CADPS2: variants seen among roughly 807,000 people sequenced by gnomAD.
CADPS2 encodes the protein calcium-dependent secretion activator 2.
In CADPS2, 93 loss-of-function variants were observed where a neutral mutation model predicts 172.5. That is an observed-to-expected ratio of 0.54 (90% CI 0.46 to 0.64). The LOEUF (loss-of-function observed/expected upper bound fraction) is 0.64, where lower values mean the gene tolerates loss of function less well. Ranked by LOEUF, CADPS2 falls within the 30% of genes least tolerant of loss-of-function variation. The pLI is 0.00. For synonymous variants in CADPS2, 546 were observed against 555.2 expected, an observed-to-expected ratio of 0.98 and a Z score of 0.23; for missense variants, 1,420 against 1,565.9, an observed-to-expected ratio of 0.91 and a Z score of 1.57.
At chr7:122,781,673 A>G (rs1327472570) in intron 1 of CADPS2, among the ~76,000 whole-genome samples, 1 of 152,140 alleles carries the variant, frequency 6.6e-6, no homozygotes, top group African/African-American at 2.4e-5. Flanking sequence ...CAGTTCTATT[A>G]TATACAAGAA....
At chr7:122,750,082 A>C (rs1244478267) in intron 1 of CADPS2, among the ~76,000 whole-genome samples, 3 of 152,120 alleles carry the variant, frequency 2.0e-5, no homozygotes, top group Non-Finnish European at 4.4e-5. Flanking sequence ...AGAAACAATA[A>C]ACAAACTGAA....
At chr7:122,764,436 T>C (rs1264209080) in intron 1 of CADPS2, among the ~76,000 whole-genome samples, 4 of 152,034 alleles carry the variant, frequency 2.6e-5, no homozygotes, top group Non-Finnish European at 5.9e-5. Context: ...GTTCCTACAA[T>C]GTGCCAAGCG....
intron 11 of CADPS2, among the ~76,000 whole-genome samples, chr7:122,484,216 C>T (rs1270545980): frequency 6.6e-6 from 1 of 152,028 alleles, no homozygotes; most frequent in Non-Finnish European, 1.5e-5. Flanking sequence ...AGCCAAAATA[C>T]TTTTGAATAA....
chr7:122,484,303 T>C (rs2057586749), intron 11 of CADPS2, among the ~76,000 whole-genome samples: 1 of 152,130 alleles, frequency 6.6e-6, no homozygotes, highest in Non-Finnish European at 1.5e-5. Context: ...AGTGTGGTAA[T>C]AATATTAAGA....
At chr7:122,781,880 A>G (rs1455244780) in intron 1 of CADPS2, among the ~76,000 whole-genome samples, 1 of 152,182 alleles carries the variant, frequency 6.6e-6, no homozygotes, top group Non-Finnish European at 1.5e-5. Context: ...CCACGGTGAA[A>G]TATGAAATAA....
intron 14 of CADPS2, among the ~76,000 whole-genome samples, chr7:122,454,330 T>G: frequency 7.7e-6 from 1 of 130,426 alleles, no homozygotes; most frequent in South Asian, 2.5e-4. Flanking sequence ...GGCAGTTAGG[T>G]TAATTCCCAA....
At chr7:122,725,632 A>G (rs1369572932) in intron 2 of CADPS2, among the ~76,000 whole-genome samples, 1 of 147,876 alleles carries the variant, frequency 6.8e-6, no homozygotes, top group Non-Finnish European at 1.5e-5. Context: ...GCTTATTACT[A>G]AAAAGTCAAA....
chr7:122,594,541 G>A (rs2071435427), intron 6 of CADPS2, among the ~76,000 whole-genome samples: 4 of 151,926 alleles, frequency 2.6e-5, no homozygotes, highest in Admixed American at 2.6e-4. Flanking sequence ...TATTTCTTTT[G>A]TGAAGTATTC....
At chr7:122,739,898 A>G (rs1428315208) in intron 1 of CADPS2, among the ~76,000 whole-genome samples, 13 of 152,178 alleles carry the variant, frequency 8.5e-5, no homozygotes, top group Admixed American at 8.5e-4. Flanking sequence ...ATACAATCAG[A>G]AATGTACTAT....
chr7:122,874,682 A>ATT (rs1208670791), intron 1 of CADPS2, among the ~76,000 whole-genome samples: 7 of 152,214 alleles, frequency 4.6e-5, no homozygotes, highest in Non-Finnish European at 8.8e-5. Context: ...ACTGAAACAG[A>ATT]TATATAGACT....
At chr7:122,836,923 C>A (rs912371134) in intron 1 of CADPS2, among the ~76,000 whole-genome samples, 3 of 152,068 alleles carry the variant, frequency 2.0e-5, no homozygotes, top group African/African-American at 7.2e-5. Context: ...CTGCACCAAG[C>A]GGACCTAATA....
chr7:122,626,989 G>A (rs1399744274), intron 4 of CADPS2, among the ~76,000 whole-genome samples: 1 of 152,124 alleles, frequency 6.6e-6, no homozygotes, highest in Admixed American at 6.6e-5. Flanking sequence ...TTATTATATT[G>A]TGTTGTTCTG....
At chr7:122,443,858 A>G (rs1026625885) in intron 15 of CADPS2, among the ~76,000 whole-genome samples, 4 of 152,032 alleles carry the variant, frequency 2.6e-5, no homozygotes, top group African/African-American at 9.7e-5. Context: ...CCACTACGGA[A>G]GAGAAGTATG....
At chr7:122,830,812 A>C (rs951219829) in intron 1 of CADPS2, among the ~76,000 whole-genome samples, 2 of 152,324 alleles carry the variant, frequency 1.3e-5, no homozygotes, top group South Asian at 2.1e-4. Context: ...CTATTTAATA[A>C]ACAGAATCAC....
At chr7:122,775,969 C>CA (rs976255612) in intron 1 of CADPS2, among the ~76,000 whole-genome samples, 3 of 116,552 alleles carry the variant, frequency 2.6e-5, no homozygotes, top group African/African-American at 5.2e-5. Context: ...TATTCAAGTT[C>CA]AAAAATTTTT....
intron 20 of CADPS2, among the ~76,000 whole-genome samples, chr7:122,397,408 TG>T (rs2045296564): frequency 1.1e-5 from 1 of 91,242 alleles, no homozygotes; most frequent in Admixed American, 1.7e-4. Context: ...AAGGAGGGAG[TG>T]GGGGAGAAAT....
chr7:122,327,203 T>G (rs2034037689), intron 28 of CADPS2, among the ~76,000 whole-genome samples: 1 of 152,124 alleles, frequency 6.6e-6, no homozygotes, highest in Non-Finnish European at 1.5e-5. Context: ...TTATAGATAC[T>G]TTAATTTCCG....
At chr7:122,599,172 A>G (rs1274344587) in intron 6 of CADPS2, among the ~76,000 whole-genome samples, 1 of 152,124 alleles carries the variant, frequency 6.6e-6, no homozygotes. Flanking sequence ...GGGAAGTTCA[A>G]TAACTCCAGA....
intron 1 of CADPS2, among the ~76,000 whole-genome samples, chr7:122,750,257 T>C (rs2092896035): frequency 6.6e-6 from 1 of 152,162 alleles, no homozygotes; most frequent in Admixed American, 6.6e-5. Flanking sequence ...GAATTTCAGG[T>C]AAACAATATG....
Sources: allele counts gnomAD v4.1 joint callset (sites outside exome capture counted in the v4.1 genomes callset), GRCh38; gene constraint gnomAD v4.1.1; transcripts MANE v1.5; gene names NCBI Gene and HGNC (gene_info 2026-07-23, HGNC 2026-07-21).